The following HERC3 variants were observed in gnomAD, a reference collection of about 807,000 sequenced individuals.
HERC3 encodes the protein probable E3 ubiquitin-protein ligase HERC3.
Under a neutral mutation model 129.9 loss-of-function variants are expected in HERC3, and 58 were observed. The observed-to-expected ratio is 0.45, with a 90% CI of 0.36 to 0.56. HERC3 has a LOEUF of 0.56. Among genes scored for constraint, HERC3 ranks in the 20% least tolerant of loss-of-function variants. HERC3 has a pLI of 0.00. For synonymous variants in HERC3, 430 were observed against 451.0 expected (o/e 0.95, Z 0.59); for missense variants, 835 against 1,244.2 (o/e 0.67, Z 4.95).
chr4:88,562,142 C>A, the HERC3 span, among the ~76,000 whole-genome samples: 5 of 152,112 alleles, frequency 3.3e-5, no homozygotes, highest in Admixed American at 6.5e-5. Flanking sequence ...TTTTTCTACA[C>A]CCTCACCCCA....
At chr4:88,583,548 G>A in the HERC3 span, 1 of 151,970 alleles carries the variant, frequency 6.6e-6, no homozygotes, top group Non-Finnish European at 1.5e-5. Flanking sequence ...AAAATATAAA[G>A]GCTTGTCTTT....
At position 88,704,587 on chromosome 4, in the gene HERC3, T is replaced by C; in HGVS notation, c.2921T>C (p.Leu974Ser). Residue 974 changes from leucine to serine, a missense_variant, in exon 25 of 26, where the codon TTG (leucine) becomes TCG (serine). Leu to Ser is a moderately radical substitution (Grantham distance 145). Coordinates refer to ENST00000402738, the MANE Select transcript of HERC3 (RefSeq NM_014606.3). ...TGGGAAACATTTCATGAGTTTCCATTGGAAAAGAAGAAGAAGTTTCTCTGT... is the reference window on the plus strand; with the variant it reads ...TGGGAAACATTTCATGAGTTTCCATCGGAAAAGAAGAAGAAGTTTCTCTGT... The part of the protein sequence containing the change: ...LFWETFHEFP[L>S]EKKKKFLLFL... 1 of 1,601,496 alleles carries C rather than the reference T, an allele frequency of 6.2e-7. No homozygotes were observed. The highest frequency in any genetic ancestry group is 8.6e-7 in the Non-Finnish European group (1 of 1,168,554).
chr4:88,533,636 C>T, the HERC3 span, among the ~76,000 whole-genome samples: 1 of 152,188 alleles, frequency 6.6e-6, no homozygotes, highest in African/African-American at 2.4e-5. Context: ...TTCTCTTTCA[C>T]ATCTGGCTGT....
the HERC3 span, chr4:88,528,029 C>T: frequency 1.7e-3 from 472 of 282,026 alleles, no homozygotes; most frequent in South Asian, 2.2e-3. Flanking sequence ...TATGCAAAAG[C>T]GAGACTGTAG....
intron 19 of HERC3, among the ~76,000 whole-genome samples, chr4:88,678,725 C>T (rs1414380140): frequency 6.6e-6 from 1 of 152,192 alleles, no homozygotes; most frequent in Non-Finnish European, 1.5e-5. Flanking sequence ...TTCCCTCAGA[C>T]AACTTCCATA....
chr4:88,546,002 A>G, the HERC3 span, among the ~76,000 whole-genome samples: 1 of 152,208 alleles, frequency 6.6e-6, no homozygotes, highest in Non-Finnish European at 1.5e-5. Context: ...AAAATCACTT[A>G]TTAATAGTAT....
At chr4:88,697,380 G>T (rs1734728655) in intron 23 of HERC3, 2 of 1,613,576 alleles carry the variant, frequency 1.2e-6, no homozygotes, top group African/African-American at 1.3e-5. Flanking sequence ...CCTCCATCTC[G>T]CCGGTGAGCT....
At chr4:88,645,772 T>C (rs1401619143) in intron 3 of HERC3, among the ~76,000 whole-genome samples, 1 of 152,142 alleles carries the variant, frequency 6.6e-6, no homozygotes, top group Admixed American at 6.5e-5. Flanking sequence ...AGTTGCTTAT[T>C]TCTGGAAATT....
intron 25 of HERC3, among the ~76,000 whole-genome samples, chr4:88,704,863 C>CTTTTTTTTTTTTTTTTTTTTTTTTTTT (rs1165694315): frequency 7.7e-6 from 1 of 130,672 alleles, no homozygotes; most frequent in African/African-American, 3.0e-5. Flanking sequence ...TTCTTTCTTT[C>CTTTTTTTTTTTTTTTTTTTTTTTTTTT]TTTTTTTTTT....
At chr4:88,626,212 T>C (rs1726078545) in intron 3 of HERC3, among the ~76,000 whole-genome samples, 1 of 152,084 alleles carries the variant, frequency 6.6e-6, no homozygotes, top group African/African-American at 2.4e-5. Context: ...TTCCTTTTCC[T>C]TCTTTTCTTT....
Position 88,656,100 on chromosome 4 carries a change from A to G in HERC3, c.1069+65A>G, listed in dbSNP as rs1404218185. 3 of 1,504,606 alleles carry G rather than the reference A, an allele frequency of 2.0e-6. No individual in the cohort carries two copies. In the African/African-American group the frequency reaches 4.2e-5, roughly 21 times the overall value. 93.2% of individuals were successfully genotyped at this position (1,504,606 alleles called of 1,614,324 possible). A position where few individuals can be genotyped will look rare whatever the true frequency, so the allele number is the denominator to read the frequency against. ...TGATGAAAACAGTTGTTTACAGAAT[A>G]TGTATCTATTACTTACTTTGAGGTC... On this transcript the variant is annotated intron_variant, in intron 9 of 25. Coordinates refer to ENST00000402738, the MANE Select transcript of HERC3 (RefSeq NM_014606.3).
intron 3 of HERC3, among the ~76,000 whole-genome samples, 199 bp downstream of exon 3, chr4:88,606,248 CTTTTCTTTTT>C (rs1360952830): frequency 6.9e-6 from 1 of 143,918 alleles, no homozygotes; most frequent in Admixed American, 6.8e-5. Context: ...CTTTTCTTTT[CTTTTCTTTTT>C]TTTTTTTTTT....
intron 18 of HERC3, among the ~76,000 whole-genome samples, chr4:88,677,028 G>A (rs1033341969): frequency 1.1e-4 from 17 of 152,078 alleles, no homozygotes; most frequent in East Asian, 5.8e-4. Flanking sequence ...TCAGCTACGC[G>A]GGAGGCTGAG....
At chr4:88,618,137 G>A (rs567562140) in intron 3 of HERC3, among the ~76,000 whole-genome samples, 3 of 152,380 alleles carry the variant, frequency 2.0e-5, no homozygotes, top group East Asian at 3.9e-4. Context: ...GAGGGAAGAA[G>A]GCTGAACTAA....
At chr4:88,617,175 CAAAAAAAAAAAAAAAAA>C (rs1162260456) in intron 3 of HERC3, among the ~76,000 whole-genome samples, 1 of 31,860 alleles carries the variant, frequency 3.1e-5, no homozygotes, top group South Asian at 1.1e-3. Context: ...ACCCTGTCTC[CAAAAAAAAAAAAAAAAA>C]AAAAAAAAAG....
intron 10 of HERC3, among the ~76,000 whole-genome samples, chr4:88,659,134 T>A (rs1351968491): frequency 6.6e-6 from 1 of 152,154 alleles, no homozygotes; most frequent in Non-Finnish European, 1.5e-5. Flanking sequence ...AGATTTGTTG[T>A]CAGTGCTGGA....
At chr4:88,581,844 A>G in the HERC3 span, among the ~76,000 whole-genome samples, 1 of 152,232 alleles carries the variant, frequency 6.6e-6, no homozygotes, top group Non-Finnish European at 1.5e-5. Context: ...ACAAATACTA[A>G]TATCTTCACA....
Position 88,668,023 on chromosome 4 carries a change from G to C in HERC3, c.1575G>C (p.Leu525Phe). Reference sequence around the variant, plus strand: ...AGGATTCCAAGTATTATATAACATTGACTATTCCCTTGGCTATGGCCATTC... The same window carrying C: ...AGGATTCCAAGTATTATATAACATTCACTATTCCCTTGGCTATGGCCATTC... The part of the protein sequence containing the change: ...LLQDSKYYIT[L>F]TIPLAMAILR... The change falls in exon 14 of 26, where the codon TTG becomes TTC. Residue 525 changes from leucine (L) to phenylalanine (F), a missense_variant. Leu to Phe is a conservative substitution (Grantham distance 22). Coordinates refer to ENST00000402738, the MANE Select transcript of HERC3 (RefSeq NM_014606.3). 4 of 1,613,660 alleles carry C rather than the reference G, an allele frequency of 2.5e-6. No individual in the cohort carries two copies. Among genetic ancestry groups the C allele is most frequent in the Non-Finnish European group, 3.4e-6 (4 of 1,179,684 alleles).
chr4:88,683,857 C>A (rs1183802782), intron 21 of HERC3, among the ~76,000 whole-genome samples: 1 of 152,162 alleles, frequency 6.6e-6, no homozygotes, highest in African/African-American at 2.4e-5. Flanking sequence ...GAATGCAGCC[C>A]AGCACAAACT....
Sources: gnomAD v4.1 joint callset for allele counts (sites outside exome capture counted in the v4.1 genomes callset) on GRCh38, gnomAD v4.1.1 for gene constraint, MANE v1.5 for transcripts, NCBI Gene and HGNC (gene_info 2026-07-23, HGNC 2026-07-21) for gene names.